Variants in ARB2A observed in about 807,000 individuals in gnomAD.
The protein encoded by ARB2A is ARB2 cotranscriptional regulator A, also known as cotranscriptional regulator ARB2A.
the ARB2A span, among the ~76,000 whole-genome samples, chr5:93,764,621 C>G: frequency 6.6e-6 from 1 of 152,134 alleles, no homozygotes; most frequent in Non-Finnish European, 1.5e-5. Context: ...GAGGTACAAA[C>G]AGGAGCTGAT....
At chr5:93,751,735 C>T in the ARB2A span, among the ~76,000 whole-genome samples, 4 of 152,170 alleles carry the variant, frequency 2.6e-5, no homozygotes, top group African/African-American at 9.7e-5. Flanking sequence ...GAAAGCAATG[C>T]AGTTTTCTTT....
the ARB2A span, among the ~76,000 whole-genome samples, chr5:93,946,722 A>C: frequency 1.8e-4 from 27 of 152,346 alleles, no homozygotes; most frequent in African/African-American, 4.8e-4. Flanking sequence ...AGGAAAAGAT[A>C]ACACTTATTT....
chr5:93,648,441 AAGG>A, the ARB2A span, among the ~76,000 whole-genome samples: 2 of 152,186 alleles, frequency 1.3e-5, no homozygotes, highest in African/African-American at 2.4e-5. Context: ...CCCAGGAAAG[AAGG>A]AAATTCCCTG....
chr5:93,740,456 T>A, the ARB2A span: 5 of 1,128,734 alleles, frequency 4.4e-6, no homozygotes, highest in Non-Finnish European at 6.3e-6. Flanking sequence ...ATCCTTAACT[T>A]CTTTAGACAG....
chr5:94,011,985 G>A, the ARB2A span, among the ~76,000 whole-genome samples: 1 of 146,964 alleles, frequency 6.8e-6, no homozygotes, highest in African/African-American at 2.5e-5. Flanking sequence ...CGGAAAATGA[G>A]CGTTCAGATA....
At chr5:93,779,995 A>G in the ARB2A span, among the ~76,000 whole-genome samples, 14,323 of 152,220 alleles carry the variant, frequency 0.094, 833 homozygotes, top group Middle Eastern at 0.17. Flanking sequence ...ATTACAATTT[A>G]GTATATTATA....
At chr5:93,927,113 T>C in the ARB2A span, among the ~76,000 whole-genome samples, 1 of 150,124 alleles carries the variant, frequency 6.7e-6, no homozygotes, top group Non-Finnish European at 1.5e-5. Flanking sequence ...CAAGTAAATA[T>C]GTAAGTAGAA....
the ARB2A span, among the ~76,000 whole-genome samples, chr5:93,876,656 G>T: frequency 6.6e-6 from 1 of 150,846 alleles, no homozygotes; most frequent in African/African-American, 2.4e-5. Flanking sequence ...CAAGATACTA[G>T]AGAAAAGAAA....
the ARB2A span, chr5:93,805,776 G>C: frequency 3.0e-6 from 3 of 984,988 alleles, no homozygotes. Flanking sequence ...TTGCATTTGG[G>C]GTTGTCGTTC....
At chr5:93,676,570 A>G in the ARB2A span, among the ~76,000 whole-genome samples, 1 of 152,190 alleles carries the variant, frequency 6.6e-6, no homozygotes, top group South Asian at 2.1e-4. Context: ...ACAATGAAAC[A>G]TGAATTGCAT....
the ARB2A span, among the ~76,000 whole-genome samples, chr5:93,886,714 A>G: frequency 1.4e-3 from 209 of 151,542 alleles, 1 homozygote; most frequent in Non-Finnish European, 2.6e-3. Flanking sequence ...TGCCCCCTCC[A>G]TTATTTTAGC....
the ARB2A span, among the ~76,000 whole-genome samples, chr5:93,825,178 C>T: frequency 3.3e-5 from 5 of 152,324 alleles, no homozygotes; most frequent in African/African-American, 4.8e-5. Context: ...TTTTGGTACA[C>T]ATTGAGTGCA....
the ARB2A span, among the ~76,000 whole-genome samples, chr5:93,624,607 C>T: frequency 1.3e-5 from 2 of 152,066 alleles, no homozygotes; most frequent in Admixed American, 6.5e-5. Flanking sequence ...AAAAAAATAC[C>T]TTTGCTCAGT....
At chr5:94,109,893 T>C in the ARB2A span, among the ~76,000 whole-genome samples, 1 of 149,614 alleles carries the variant, frequency 6.7e-6, no homozygotes, top group African/African-American at 2.5e-5. Context: ...TTTTTTTTTT[T>C]TTTTTTCTGG....
the ARB2A span, among the ~76,000 whole-genome samples, chr5:94,102,693 A>G: frequency 1.3e-5 from 2 of 152,024 alleles, no homozygotes; most frequent in Admixed American, 1.3e-4. Context: ...ATTCAAGACA[A>G]CCATGCTGAA....
chr5:93,682,903 C>A, the ARB2A span: 1 of 1,553,410 alleles, frequency 6.4e-7, no homozygotes, highest in Non-Finnish European at 8.8e-7. Context: ...GGAAGCAATT[C>A]TTCACATAAT....
the ARB2A span, among the ~76,000 whole-genome samples, chr5:93,980,977 A>G: frequency 4.6e-5 from 7 of 151,892 alleles, no homozygotes; most frequent in Non-Finnish European, 8.8e-5. Context: ...CCCCTAAAAT[A>G]TTTGCCTTTC....
chr5:93,806,349 T>A, the ARB2A span, among the ~76,000 whole-genome samples: 1 of 151,966 alleles, frequency 6.6e-6, no homozygotes, highest in African/African-American at 2.4e-5. Flanking sequence ...ACAGCTTTTA[T>A]AATTTTTTCA....
the ARB2A span, among the ~76,000 whole-genome samples, chr5:94,091,101 G>A: frequency 3.1e-4 from 47 of 152,234 alleles, 2 homozygotes; most frequent in East Asian, 5.6e-3. Flanking sequence ...GGAAGTGGAC[G>A]CGCAAGACAG....
Sources: allele counts gnomAD v4.1 joint callset (sites outside exome capture counted in the v4.1 genomes callset), GRCh38; gene constraint gnomAD v4.1.1; transcripts MANE v1.5; gene names NCBI Gene and HGNC (gene_info 2026-07-23, HGNC 2026-07-21).